DDX10: variants seen among roughly 807,000 people sequenced by gnomAD.
DDX10 encodes the protein probable ATP-dependent RNA helicase DDX10.
In DDX10, 74 loss-of-function variants were observed where a neutral mutation model predicts 104.3. The observed-to-expected ratio is 0.71, with a 90% CI of 0.59 to 0.86. DDX10 has a LOEUF of 0.86. Ranked by LOEUF, DDX10 falls within the 40% of genes least tolerant of loss-of-function variation. The probability of loss-of-function intolerance (pLI) is 0.00; values close to 1 mark genes in which losing one functional copy is unlikely to be tolerated. For missense variants in DDX10, 952 were observed against 1,040.0 expected, an observed-to-expected ratio of 0.92 and a Z score of 1.16; for synonymous variants, 351 against 353.4, an observed-to-expected ratio of 0.99 and a Z score of 0.08.
chr11:108,742,433 C>T (rs967300128), intron 13 of DDX10, among the ~76,000 whole-genome samples: 22 of 148,076 alleles, frequency 1.5e-4, no homozygotes, highest in Admixed American at 4.7e-4. Flanking sequence ...GGTGTGGTGA[C>T]GTGCACCTGT....
chr11:108,907,638 CTG>C (rs1287084253), intron 16 of DDX10, among the ~76,000 whole-genome samples: 1 of 152,140 alleles, frequency 6.6e-6, no homozygotes, highest in Non-Finnish European at 1.5e-5. Flanking sequence ...CTCTCATTTG[CTG>C]TGTCAATTGT....
At chr11:108,911,142 A>G (rs1290040159) in intron 16 of DDX10, among the ~76,000 whole-genome samples, 1 of 152,158 alleles carries the variant, frequency 6.6e-6, no homozygotes, top group Non-Finnish European at 1.5e-5. Context: ...AGAACAGCTC[A>G]TTTTGTTATC....
chr11:108,677,324 A>G, intron 4 of DDX10, 81 bp downstream of exon 4: 1 of 1,310,232 alleles, frequency 7.6e-7, no homozygotes, highest in Non-Finnish European at 1.1e-6. Context: ...GAGGCAGCAG[A>G]GACTTCATCT....
chr11:108,674,889 C>T (rs554813700), intron 2 of DDX10, among the ~76,000 whole-genome samples: 2 of 152,322 alleles, frequency 1.3e-5, no homozygotes, highest in South Asian at 4.1e-4. Flanking sequence ...ACTCTCCTTA[C>T]TTCCCCCAGC....
At chr11:108,837,167 G>A (rs1290822356) in intron 13 of DDX10, among the ~76,000 whole-genome samples, 1 of 152,318 alleles carries the variant, frequency 6.6e-6, no homozygotes, top group South Asian at 2.1e-4. Flanking sequence ...CCCAATAACT[G>A]TATGAGGTAG....
chr11:108,674,516 CT>C (rs139698510), intron 2 of DDX10, among the ~76,000 whole-genome samples: 302 of 142,940 alleles, frequency 2.1e-3, no homozygotes, highest in Admixed American at 1.9e-3. Context: ...ATAGATCTCT[CT>C]TTTTTTTTTT....
At position 108,710,314 on chromosome 11, in the gene DDX10, T is replaced by C. The variant is rs183889016; in HGVS notation, c.1322+3477T>C. ...GCTTGCTGTAACTTTTTTTGTTTTA[T>C]AAACTTTCAGCTTCTTGATTCTTTT... On this transcript the variant is annotated intron_variant, in intron 10 of 17. Transcript: ENST00000322536. Among the ~76,000 whole-genome samples the C allele has an allele frequency of 2.6e-5, 4 of 152,330 alleles. No homozygotes were observed. The East Asian group carries it at 7.7e-4, about 29-fold the overall frequency.
chr11:108,838,539 A>T lies in DDX10; in HGVS notation c.2059A>T (p.Lys687Ter), dbSNP rs775928015. 1 of 1,611,118 alleles carries T rather than the reference A, an allele frequency of 6.2e-7. No homozygotes were observed. The highest frequency in any genetic ancestry group is 8.5e-7 in the Non-Finnish European group (1 of 1,178,950). Residue 687 changes from lysine to a stop codon, truncating the protein, a stop_gained, in exon 14 of 18, where the codon AAG becomes TAG. Transcript: ENST00000322536. LOFTEE classifies it high-confidence loss of function. ...GAAGAGAAATTTTAAAGTGAATAAG[A>T]AGATAACATTTACTGATGAAGGGGA... is the stretch of plus-strand genomic sequence containing the variant. ...VMKRNFKVNKKITFTDEGELV... is the reference protein window; with the variant it reads ...VMKRNFKVNK
chr11:108,815,822 A>G (rs780461276), intron 13 of DDX10, among the ~76,000 whole-genome samples: 3 of 152,210 alleles, frequency 2.0e-5, no homozygotes, highest in Non-Finnish European at 4.4e-5. Flanking sequence ...ACTCAATAAC[A>G]CTAGATTGAA....
At chr11:108,915,858 A>G (rs1265937775) in intron 16 of DDX10, among the ~76,000 whole-genome samples, 1 of 151,740 alleles carries the variant, frequency 6.6e-6, no homozygotes, top group African/African-American at 2.4e-5. Flanking sequence ...TTTTTCAACC[A>G]CAACAATATT....
chr11:108,829,435 A>G (rs1011445916), intron 13 of DDX10, among the ~76,000 whole-genome samples: 1 of 151,736 alleles, frequency 6.6e-6, no homozygotes, highest in African/African-American at 2.4e-5. Flanking sequence ...TAACTTTTTG[A>G]TGGAATTTTT....
intron 16 of DDX10, among the ~76,000 whole-genome samples, chr11:108,891,956 G>C (rs140503189): frequency 6.6e-6 from 1 of 152,102 alleles, no homozygotes; most frequent in African/African-American, 2.4e-5. Context: ...TAGTATTATC[G>C]ATAGCTTCTT....
intron 16 of DDX10, among the ~76,000 whole-genome samples, chr11:108,865,754 G>A (rs781456327): frequency 1.3e-5 from 2 of 152,042 alleles, no homozygotes; most frequent in African/African-American, 4.8e-5. Context: ...TTTACTCTAC[G>A]CATATTTCTT....
intron 17 of DDX10, among the ~76,000 whole-genome samples, chr11:108,923,884 T>G (rs899225447): frequency 2.6e-5 from 4 of 152,194 alleles, no homozygotes; most frequent in Non-Finnish European, 5.9e-5. Context: ...TAAATTGCAC[T>G]TCTAAAAAGC....
At chr11:108,746,592 A>G (rs928790926) in intron 13 of DDX10, among the ~76,000 whole-genome samples, 5 of 152,072 alleles carry the variant, frequency 3.3e-5, no homozygotes, top group Non-Finnish European at 7.4e-5. Flanking sequence ...TCAAATGGTA[A>G]AACTTGAACT....
chr11:108,897,877 A>G (rs2726894), intron 16 of DDX10, among the ~76,000 whole-genome samples: 22,950 of 152,020 alleles, frequency 0.15, 2,130 homozygotes, highest in East Asian at 0.28. Flanking sequence ...AGGATTTCCA[A>G]TGGTGTATTA....
At position 108,685,923 on chromosome 11, in the gene DDX10, T is replaced by C. The variant is rs79590267; in HGVS notation, c.849-3013T>C. Among the ~76,000 whole-genome samples the C allele has an allele frequency of 9.0e-3, 1,371 of 152,308 alleles. 22 individuals are homozygous for C. Among genetic ancestry groups the C allele is most frequent in the African/African-American group, 0.03 (1,258 of 41,574 alleles). The stretch of plus-strand genomic sequence containing the variant: ...TTCTCCTTAGACATCCCAGTAAAGA[T>C]GTAGGAATCAAATTCCTTCAAAGGC... On this transcript the variant is annotated intron_variant, in intron 6 of 17. Coordinates refer to ENST00000322536, the MANE Select transcript of DDX10 (RefSeq NM_004398.4).
chr11:108,775,776 A>C (rs2094369066), intron 13 of DDX10, among the ~76,000 whole-genome samples: 2 of 152,202 alleles, frequency 1.3e-5, no homozygotes, highest in South Asian at 4.1e-4. Flanking sequence ...CATACTTTAC[A>C]TGCAATATAG....
At chr11:108,724,051 A>G (rs2094302182) in intron 13 of DDX10, among the ~76,000 whole-genome samples, 1 of 152,184 alleles carries the variant, frequency 6.6e-6, no homozygotes, top group South Asian at 2.1e-4. Flanking sequence ...CTTGTTTTCT[A>G]GGATGCTTTT....
Sources: allele counts gnomAD v4.1 joint callset (sites outside exome capture counted in the v4.1 genomes callset), GRCh38; gene constraint gnomAD v4.1.1; transcripts MANE v1.5; gene names NCBI Gene and HGNC (gene_info 2026-07-23, HGNC 2026-07-21).